CAMK4: variants seen among roughly 807,000 people sequenced by gnomAD.
CAMK4 encodes the protein calcium/calmodulin dependent protein kinase IV.
In CAMK4, 22 loss-of-function variants were observed where a neutral mutation model predicts 44.9. The observed-to-expected ratio is 0.49, with a 90% CI of 0.35 to 0.70. The LOEUF (loss-of-function observed/expected upper bound fraction) is 0.70. CAMK4 is among the 30% of genes least tolerant of loss of function. The pLI is 0.01. For missense variants in CAMK4, 498 were observed against 586.8 expected, an observed-to-expected ratio of 0.85 and a Z score of 1.56; for synonymous variants, 218 against 215.4, an observed-to-expected ratio of 1.01 and a Z score of -0.11.
intron 1 of CAMK4, among the ~76,000 whole-genome samples, chr5:111,334,813 AAG>A (rs34874537): frequency 0.45 from 68,246 of 151,088 alleles, 15,519 homozygotes; most frequent in Admixed American, 0.5. Flanking sequence ...GCAAAAACAA[AAG>A]AATAAAATCA....
intron 1 of CAMK4, among the ~76,000 whole-genome samples, chr5:111,264,923 C>G (rs934165451): frequency 1.2e-4 from 19 of 152,148 alleles, no homozygotes; most frequent in African/African-American, 4.3e-4. Flanking sequence ...CCATGACTGG[C>G]TTTCTTGCCG....
At chr5:111,340,521 C>G (rs899417077) in intron 1 of CAMK4, among the ~76,000 whole-genome samples, 1 of 151,066 alleles carries the variant, frequency 6.6e-6, no homozygotes, top group Non-Finnish European at 1.5e-5. Flanking sequence ...GTCACAATTA[C>G]TGATTTGAAT....
chr5:111,290,439 A>G lies in CAMK4; in HGVS notation c.162-53585A>G, dbSNP rs746104901. On this transcript the variant is annotated intron_variant, in intron 1 of 10. Transcript: ENST00000282356. The surrounding 1 kb of genome is among the most constrained non-coding windows in gnomAD (Gnocchi z 4.5). ...AAATTCCAGGCAGTAGGAGTGAGCAATAAGAGAAATGAACCAGGAAATGAA... is the reference window on the plus strand; with the variant it reads ...AAATTCCAGGCAGTAGGAGTGAGCAGTAAGAGAAATGAACCAGGAAATGAA... Among the ~76,000 whole-genome samples, 14 of 152,212 alleles carry G rather than the reference A, an allele frequency of 9.2e-5. No individual in the cohort carries two copies. The highest frequency in any genetic ancestry group is 1.8e-4 in the Non-Finnish European group (12 of 68,040).
intron 5 of CAMK4, among the ~76,000 whole-genome samples, chr5:111,414,345 C>G (rs1026992872): frequency 9.2e-5 from 14 of 152,158 alleles, no homozygotes; most frequent in African/African-American, 3.4e-4. Context: ...GACTAAACTG[C>G]AGCATCCCCC....
chr5:111,446,518 A>G (rs1018207178), intron 5 of CAMK4, among the ~76,000 whole-genome samples, 168 bp from the exon 6 acceptor site: 14 of 152,236 alleles, frequency 9.2e-5, no homozygotes, highest in African/African-American at 3.4e-4. Context: ...ATAAAGTATT[A>G]TTTAATGTAT....
intron 5 of CAMK4, among the ~76,000 whole-genome samples, chr5:111,419,169 T>G (rs1752927867): frequency 6.6e-6 from 1 of 152,372 alleles, no homozygotes; most frequent in African/African-American, 2.4e-5. Flanking sequence ...ATTGTGGTTT[T>G]GATTTGCATT....
intron 1 of CAMK4, among the ~76,000 whole-genome samples, chr5:111,297,237 A>G (rs1362327132): frequency 6.6e-5 from 10 of 152,258 alleles, no homozygotes; most frequent in Non-Finnish European, 1.3e-4. Context: ...TTGAAATCCA[A>G]TGGAAAACAA....
chr5:111,281,556 A>G (rs956201041), intron 1 of CAMK4, among the ~76,000 whole-genome samples: 1 of 152,188 alleles, frequency 6.6e-6, no homozygotes, highest in Non-Finnish European at 1.5e-5. Flanking sequence ...AAAGGGGTTA[A>G]GCCTCTTTAC....
intron 1 of CAMK4, among the ~76,000 whole-genome samples, chr5:111,310,963 C>T (rs951031716): frequency 6.6e-6 from 1 of 151,970 alleles, no homozygotes; most frequent in Non-Finnish European, 1.5e-5. Context: ...TCACACATAT[C>T]CGTTCTAAGA....
At chr5:111,320,500 GTTT>G (rs754346163) in intron 1 of CAMK4, among the ~76,000 whole-genome samples, 1 of 50,874 alleles carries the variant, frequency 2.0e-5, no homozygotes, top group South Asian at 9.6e-4. Flanking sequence ...TTTTGTTGTT[GTTT>G]GTTTGTTCGT....
intron 5 of CAMK4, among the ~76,000 whole-genome samples, chr5:111,415,969 A>G (rs1435438039): frequency 3.9e-5 from 6 of 152,144 alleles, no homozygotes; most frequent in Non-Finnish European, 7.4e-5. Context: ...CAAACACTAC[A>G]CCATTTTATA....
chr5:111,344,533 C>A (rs946888536), intron 2 of CAMK4, among the ~76,000 whole-genome samples: 1 of 151,658 alleles, frequency 6.6e-6, no homozygotes, highest in Non-Finnish European at 1.5e-5. Context: ...AAATAAAGCA[C>A]AAATGTATTT....
At chr5:111,275,403 A>G (rs72780338) in intron 1 of CAMK4, among the ~76,000 whole-genome samples, 57 of 152,270 alleles carry the variant, frequency 3.7e-4, no homozygotes, top group Non-Finnish European at 6.0e-4. Flanking sequence ...AATTTAAAAA[A>G]TTACAATGCA....
At chr5:111,254,628 C>T (rs1749660283) in intron 1 of CAMK4, among the ~76,000 whole-genome samples, 1 of 152,194 alleles carries the variant, frequency 6.6e-6, no homozygotes, top group South Asian at 2.1e-4. Flanking sequence ...TCTCAGCATT[C>T]ACAGAAATCT....
intron 5 of CAMK4, 136 bp from the exon 6 acceptor site, chr5:111,446,550 T>G: frequency 1.8e-6 from 1 of 566,154 alleles, no homozygotes; most frequent in Non-Finnish European, 3.2e-6. Context: ...CAGATTTTCC[T>G]TTATGGTACT....
At chr5:111,231,992 A>G (rs931709680) in intron 1 of CAMK4, among the ~76,000 whole-genome samples, 1 of 152,214 alleles carries the variant, frequency 6.6e-6, no homozygotes, top group African/African-American at 2.4e-5. Context: ...TGTAATCAGA[A>G]TCATTGAAAA....
rs1372821609 is a variant in CAMK4, at chr5:111,252,576, T to G, written c.161+27932T>G. ...GAGTCTTATAGGTCCCAAAAGGACT[T>G]ACACGTAATACTCAGTTTAAGAACT... On this transcript the variant is annotated intron_variant, in intron 1 of 10. Coordinates refer to ENST00000282356, the MANE Select transcript of CAMK4 (RefSeq NM_001744.6). Among the ~76,000 whole-genome samples, 3 of 152,296 alleles carry G rather than the reference T, an allele frequency of 2.0e-5. No individual in the cohort carries two copies. The East Asian group carries it at 5.8e-4, about 29-fold the overall frequency.
chr5:111,308,290 T>C (rs1360697715), intron 1 of CAMK4, among the ~76,000 whole-genome samples: 2 of 152,208 alleles, frequency 1.3e-5, no homozygotes, highest in African/African-American at 4.8e-5. Context: ...AACTAGTTCT[T>C]ATTTTAAAAT....
At chr5:111,358,806 G>T (rs1039696559) in intron 2 of CAMK4, among the ~76,000 whole-genome samples, 2 of 152,044 alleles carry the variant, frequency 1.3e-5, no homozygotes, top group African/African-American at 4.8e-5. Context: ...ACTTATAAGT[G>T]AGAACATGCG....
Sources: allele counts gnomAD v4.1 joint callset (sites outside exome capture counted in the v4.1 genomes callset), GRCh38; gene constraint gnomAD v4.1.1; non-coding constraint Gnocchi (gnomAD v3.1); transcripts MANE v1.5; gene names NCBI Gene and HGNC (gene_info 2026-07-23, HGNC 2026-07-21).